Variants in SLC16A8 observed in about 807,000 individuals in gnomAD.
SLC16A8 encodes the protein solute carrier family 16 member 8.
In SLC16A8, 20 loss-of-function variants were observed where a neutral mutation model predicts 22.4. The observed-to-expected ratio is 0.89, with a 90% CI of 0.63 to 1.30. The LOEUF (loss-of-function observed/expected upper bound fraction) is 1.30, where lower values mean the gene tolerates loss of function less well. Among genes scored for constraint, SLC16A8 ranks in the 50% most tolerant of loss-of-function variants. The probability of loss-of-function intolerance (pLI) is 0.00; values close to 1 mark genes in which losing one functional copy is unlikely to be tolerated. For missense variants in SLC16A8, 817 were observed against 740.3 expected (o/e 1.10, Z -1.20); for synonymous variants, 393 against 358.8 (o/e 1.10, Z -1.08).
rs1235060007 is a variant in SLC16A8, at chr22:38,081,683, C to T, written c.359-4G>A. 1.3e-6 allele frequency: 2 copies of T among 1,505,668 alleles called. No homozygotes were observed. Among genetic ancestry groups the T allele is most frequent in the South Asian group, 1.3e-5 (1 of 78,302 alleles). 93.3% of individuals were successfully genotyped at this position (1,505,668 alleles called of 1,614,324 possible). On this transcript the variant is annotated splice_region_variant and splice_polypyrimidine_tract_variant and intron_variant, in intron 4 of 5. Transcript: ENST00000681075. Reference sequence around the variant, plus strand: ...AAGTTGAGGGCCAGGCCCAGGCCTGCGGGCGAGGCGGTGCTGTGCCGGGGT... The same window carrying T: ...AAGTTGAGGGCCAGGCCCAGGCCTGTGGGCGAGGCGGTGCTGTGCCGGGGT...
At chr22:38,078,757 CTCACTCTCCT>C in intron 5 of SLC16A8, 53 bp from the exon 6 acceptor site, 1 of 1,517,780 alleles carries the variant, frequency 6.6e-7, no homozygotes, top group African/African-American at 1.4e-5. Context: ...GGGTCCTCCC[CTCACTCTCCT>C]GCACTCTCAG....
At position 38,080,967 on chromosome 22, in the gene SLC16A8, G is replaced by A. The variant is rs1192714791; in HGVS notation, c.1071C>T (p.Tyr357=). The change falls in exon 5 of 6, where the codon TAC becomes TAT. Residue 357 remains tyrosine (Y), a synonymous_variant. Coordinates refer to ENST00000681075, the MANE Select transcript of SLC16A8 (RefSeq NM_013356.3). The stretch of plus-strand genomic sequence containing the variant: ...CGAACTGCAGCGCGCCCACCATGCC[G>A]TAGGAGAGGCCGAAGGCGACGCAGA... ...VAFCVAFGLS[Y]GMVGALQFEV... is the part of the protein sequence containing the mutation. 14 of 1,596,412 alleles carry A rather than the reference G, an allele frequency of 8.8e-6. No homozygotes were observed. The highest frequency in any genetic ancestry group is 7.6e-6 in the Non-Finnish European group (9 of 1,176,690).
In SLC16A8 at chr22:38,082,749, A is replaced by T. The variant is rs753916128; in HGVS notation, c.125T>A (p.Phe42Tyr). The change falls in exon 3 of 6, where the codon TTC becomes TAC. Residue 42 changes from phenylalanine (F) to tyrosine (Y), a missense_variant. Phe to Tyr is a conservative substitution (Grantham distance 22). Coordinates refer to ENST00000681075, the MANE Select transcript of SLC16A8 (RefSeq NM_013356.3). Reference protein sequence around the residue: ...AYGFPKAVSVFFRALMRDFDA... With the variant: ...AYGFPKAVSVYFRALMRDFDA... ...GAAGTCGCGCATGAGCGCGCGGAAG[A>T]AGACGCTCACGGCTTTGGGGAAGCC... The T allele has an allele frequency of 1.3e-4, 208 of 1,593,778 alleles. No individual in the cohort carries two copies. The highest frequency in any genetic ancestry group is 1.7e-4 in the Non-Finnish European group (201 of 1,172,756).
chr22:38,081,018 C>G lies in SLC16A8; in HGVS notation c.1020G>C (p.Ala340=). The change falls in exon 5 of 6, where the codon GCG becomes GCC. Residue 340 remains alanine (A), a synonymous_variant. Transcript: ENST00000681075. The part of the protein sequence containing the change: ...NGLTDLSSAR[A]RSYGALVAFC... ...AGGCGACGAGGGCGCCGTAGGAGCG[C>G]GCGCGTGCGCTGCTCAGGTCTGTGA... is the stretch of plus-strand genomic sequence containing the variant. 1.3e-6 allele frequency: 2 copies of G among 1,597,152 alleles called. No individual in the cohort carries two copies. The highest frequency in any genetic ancestry group is 1.7e-6 in the Non-Finnish European group (2 of 1,177,496).
intron 1 of SLC16A8, among the ~76,000 whole-genome samples, chr22:38,083,649 C>T (rs934446184): frequency 6.6e-6 from 1 of 152,204 alleles, no homozygotes; most frequent in Non-Finnish European, 1.5e-5. Flanking sequence ...ACCTCAAACC[C>T]TCTATATGAA....
rs777137024 is a variant in SLC16A8, at chr22:38,081,331, AC to A, written c.706del (p.Val236SerfsTer27). On this transcript the variant is annotated frameshift_variant, in exon 5 of 6. Transcript: ENST00000681075. LOFTEE classifies it high-confidence loss of function. ...GTCCAGCAGGCGCCGGCGGGGCCGG[AC>A]CCTGGGGGATGCCTCGCGCAGCTGC... ...GLQLREASPRVRPRRRLLDLA... is the reference protein window; with the variant it reads ...GLQLREASPRXRPRRRLLDLA... 4.2e-5 allele frequency: 62 copies of A among 1,490,216 alleles called. No individual in the cohort carries two copies. The highest frequency in any genetic ancestry group is 9.2e-5 in the South Asian group (7 of 75,924). The allele number at this position is 1,490,216 out of a possible 1,614,324, so 92.3% of individuals were successfully genotyped here. A position where few individuals can be genotyped will look rare whatever the true frequency, so the allele number is the denominator to read the frequency against.
Position 38,082,899 on chromosome 22 carries a change from G to A in SLC16A8, c.-8-18C>T, listed in dbSNP as rs1470035383. ...CGCTGCCTCTGTTGGGAGGGGGCGG[G>A]GACAAGAGGGAGGGGCTGGGCCAGC... On this transcript the variant is annotated intron_variant, in intron 2 of 5. Coordinates refer to ENST00000681075, the MANE Select transcript of SLC16A8 (RefSeq NM_013356.3). 7 of 1,377,286 alleles carry A rather than the reference G, an allele frequency of 5.1e-6. No individual in the cohort carries two copies. The highest frequency in any genetic ancestry group is 6.9e-6 in the Non-Finnish European group (7 of 1,011,764). 85.3% of individuals were successfully genotyped at this position (1,377,286 alleles called of 1,614,324 possible).
chr22:38,083,158 C>A lies in SLC16A8; in HGVS notation c.-125G>T. ...AGGACAACTGCTGGCCCCTCAGGGC[C>A]TCAGGTGGAAGGCGTCGGGAAGTGG... On this transcript the variant is annotated 5_prime_UTR_variant, in exon 2 of 6. It adds an upstream start codon to the 5' untranslated region. Transcript: ENST00000681075. The A allele has an allele frequency of 2.2e-6, 1 of 460,088 alleles. No individual in the cohort carries two copies. The highest frequency in any genetic ancestry group is 3.9e-6 in the Non-Finnish European group (1 of 256,962). 28.5% of individuals were successfully genotyped at this position (460,088 alleles called of 1,614,324 possible).
In SLC16A8 at chr22:38,081,902, AGC is replaced by A; in HGVS notation, c.343_344del (p.Ala115TrpfsTer108). On this transcript the variant is annotated frameshift_variant, in exon 4 of 6. Coordinates refer to ENST00000681075, the MANE Select transcript of SLC16A8 (RefSeq NM_013356.3). LOFTEE classifies it high-confidence loss of function. ...GGGGGCCCTCACCTGTGAGCACCCC[AGC>A]GGTCAGGTAGAGCTCCAGGAGGCGC... ...ATRLLELYLT[A>X]GVLTGLGLAL... is the part of the protein sequence containing the mutation. 1 of 1,592,576 alleles carries A rather than the reference AGC, an allele frequency of 6.3e-7. No homozygotes were observed. Among genetic ancestry groups the A allele is most frequent in the Non-Finnish European group, 8.5e-7 (1 of 1,170,198 alleles).
intron 5 of SLC16A8, among the ~76,000 whole-genome samples, chr22:38,080,376 CCA>C (rs946877052): frequency 6.6e-6 from 1 of 152,162 alleles, no homozygotes; most frequent in Non-Finnish European, 1.5e-5. Context: ...CTGAGCACCC[CCA>C]CTCTGTTTCT....
chr22:38,081,326 G>A lies in SLC16A8; in HGVS notation c.712C>T (p.Pro238Ser), dbSNP rs541520159. ...GCCAAGTCCAGCAGGCGCCGGCGGG[G>A]CCGGACCCTGGGGGATGCCTCGCGC... Reference protein sequence around the residue: ...QLREASPRVRPRRRLLDLAVC... With the variant: ...QLREASPRVRSRRRLLDLAVC... Residue 238 changes from proline (P) to serine (S), a missense_variant, in exon 5 of 6, where the codon CCC becomes TCC. Physicochemically the swap from Pro to Ser is moderately conservative, Grantham distance 74 (BLOSUM62 -1). Coordinates refer to ENST00000681075, the MANE Select transcript of SLC16A8 (RefSeq NM_013356.3). 171 of 1,498,858 alleles carry A rather than the reference G, an allele frequency of 1.1e-4. 1 individual carries two copies. In the South Asian group the frequency reaches 1.8e-3, roughly 15 times the overall value. The allele number at this position is 1,498,858 out of a possible 1,614,324, so 92.8% of individuals were successfully genotyped here. A position where few individuals can be genotyped will look rare whatever the true frequency, so the allele number is the denominator to read the frequency against.
intron 5 of SLC16A8, among the ~76,000 whole-genome samples, chr22:38,079,290 T>C (rs1207072659): frequency 6.7e-6 from 1 of 150,304 alleles, no homozygotes; most frequent in Admixed American, 6.6e-5. Context: ...TCTTTTATTA[T>C]GTTTTTTTTA....
chr22:38,081,385 C>T lies in SLC16A8; in HGVS notation c.653G>A (p.Gly218Asp). 7 of 1,389,862 alleles carry T rather than the reference C, an allele frequency of 5.0e-6. No individual in the cohort carries two copies. Among genetic ancestry groups the T allele is most frequent in the Non-Finnish European group, 6.5e-6 (7 of 1,076,232 alleles). 86.1% of individuals were successfully genotyped at this position (1,389,862 alleles called of 1,614,324 possible). The change falls in exon 5 of 6, where the codon GGC becomes GAC. Residue 218 changes from glycine (G) to aspartate (D), a missense_variant. Transcript: ENST00000681075. ...SAGDRAGDAP[G>D]EAEADGAGLQ... is the part of the protein sequence containing the mutation. ...CCCCGCACCGTCAGCCTCCGCCTCG[C>T]CCGGAGCGTCCCCGGCGCGGTCGCC...
Position 38,081,950 on chromosome 22 carries a change from C to T in SLC16A8, c.297G>A (p.Met99Ile). 1 of 1,567,728 alleles carries T rather than the reference C, an allele frequency of 6.4e-7. No individual in the cohort carries two copies. The highest frequency in any genetic ancestry group is 1.9e-5 in the Admixed American group (1 of 53,278). The change falls in exon 4 of 6, where the codon ATG becomes ATA. Residue 99 changes from methionine to isoleucine, a missense_variant. Coordinates refer to ENST00000681075, the MANE Select transcript of SLC16A8 (RefSeq NM_013356.3). ...LAGGLLASAG[M>I]ILASFATRLL... ...GGCGCGTGGCAAAGGAAGCTAGGAT[C>T]ATGCCCGCGGAAGCCAGCAGCCCAC... is the stretch of plus-strand genomic sequence containing the variant.
chr22:38,081,823 GGACAGATCTTGCAGCAAGAA>G (rs2085922734), intron 4 of SLC16A8, 46 bp downstream of exon 4: 1 of 1,526,184 alleles, frequency 6.6e-7, no homozygotes, highest in South Asian at 1.2e-5. Context: ...GGGAAACCGA[GGACAGATCTTGCAGCAAGAA>G]CCCCCGACCC....
At chr22:38,079,806 C>T (rs2085891242) in intron 5 of SLC16A8, among the ~76,000 whole-genome samples, 2 of 152,220 alleles carry the variant, frequency 1.3e-5, no homozygotes, top group Non-Finnish European at 2.9e-5. Context: ...CCATGCACCT[C>T]CTCTGCCCAT....
chr22:38,078,360 T>G lies in SLC16A8; in HGVS notation c.*28A>C, dbSNP rs778845630. Reference sequence around the variant, plus strand: ...ACAAGAAGCTGTGTTCCCAAGTCACTGGGCCACCCCACCCAGAGCACCCTG... The same window carrying G: ...ACAAGAAGCTGTGTTCCCAAGTCACGGGGCCACCCCACCCAGAGCACCCTG... On this transcript the variant is annotated 3_prime_UTR_variant, in exon 6 of 6. Transcript: ENST00000681075. 9 of 1,564,450 alleles carry G rather than the reference T, an allele frequency of 5.8e-6. No homozygotes were observed. In the African/African-American group the frequency reaches 1.2e-4, roughly 21 times the overall value.
At position 38,080,205 on chromosome 22, in the gene SLC16A8, C is replaced by A. The variant is rs192188664; in HGVS notation, c.1198+635G>T. ...CTTGCATAAGGACGCTGTTCCCCCC[C>A]AACAAGCCCTGCCCATCCATGCTGT... On this transcript the variant is annotated intron_variant, in intron 5 of 5. Coordinates refer to ENST00000681075, the MANE Select transcript of SLC16A8 (RefSeq NM_013356.3). 3.3e-5 allele frequency among the ~76,000 whole-genome samples: 5 copies of A among 152,102 alleles called. No individual in the cohort carries two copies. The East Asian group carries it at 9.7e-4, about 29-fold the overall frequency.
intron 5 of SLC16A8, among the ~76,000 whole-genome samples, chr22:38,080,026 C>T (rs1275652225): frequency 6.6e-6 from 1 of 152,230 alleles, no homozygotes; most frequent in Non-Finnish European, 1.5e-5. Flanking sequence ...CTGCGGCCCC[C>T]GCAAGGTGTC....
Sources: allele counts gnomAD v4.1 joint callset (sites outside exome capture counted in the v4.1 genomes callset), GRCh38; gene constraint gnomAD v4.1.1; transcripts MANE v1.5; gene names NCBI Gene and HGNC (gene_info 2026-07-23, HGNC 2026-07-21).